Variants in FAM149A observed in about 807,000 individuals in gnomAD.
FAM149A encodes protein FAM149A.
In FAM149A, 71 loss-of-function variants were observed where a neutral mutation model predicts 78.2. The observed-to-expected ratio is 0.91, with a 90% CI of 0.75 to 1.11. FAM149A has a LOEUF of 1.11. Among genes scored for constraint, FAM149A ranks in the 50% least tolerant of loss-of-function variants. The pLI, the probability that FAM149A is intolerant of heterozygous loss-of-function variation, is 0.00. For synonymous variants in FAM149A, 446 were observed against 410.5 expected (o/e 1.09, Z -1.04); for missense variants, 1,036 against 971.0 (o/e 1.07, Z -0.89).
At position 186,157,636 on chromosome 4, in the gene FAM149A, C is replaced by G; in HGVS notation, c.1492C>G (p.His498Asp). The G allele has an allele frequency of 6.2e-7, 1 of 1,614,106 alleles. No homozygotes were observed. Among genetic ancestry groups the G allele is most frequent in the Non-Finnish European group, 8.5e-7 (1 of 1,179,950 alleles). Residue 498 changes from histidine (H) to aspartate (D), a missense_variant, in exon 8 of 14, where the codon CAC becomes GAC. Physicochemically the swap from His to Asp is moderately conservative, Grantham distance 81 (BLOSUM62 -1). Transcript: ENST00000389354. ...TCCGCACGTCCTCGTTCCACACGCT[C>G]ACGCCGATGGAGCCAGTGGCCCCCC...
chr4:186,116,637 A>G (rs938042536), intron 1 of FAM149A: 1 of 973,680 alleles, frequency 1.0e-6, no homozygotes, highest in Admixed American at 6.2e-5. Flanking sequence ...CTCTGTCACC[A>G]GGCTGGCTGG....
At chr4:186,124,420 C>T (rs532687361) in intron 1 of FAM149A, among the ~76,000 whole-genome samples, 23 of 151,660 alleles carry the variant, frequency 1.5e-4, no homozygotes, top group East Asian at 2.0e-4. Context: ...CGCTCCCCCC[C>T]ACCCCACAAC....
chr4:186,130,314 TA>T (rs1554068090), intron 1 of FAM149A, among the ~76,000 whole-genome samples: 5 of 116,444 alleles, frequency 4.3e-5, no homozygotes, highest in South Asian at 3.0e-4. Context: ...TATATATATA[TA>T]ATCTATATCG....
chr4:186,148,316 A>T (rs769548260), intron 1 of FAM149A, among the ~76,000 whole-genome samples: 6 of 152,188 alleles, frequency 3.9e-5, no homozygotes, highest in Non-Finnish European at 8.8e-5. Flanking sequence ...GCAAAAGCAA[A>T]CTTTTTAAAA....
intron 7 of FAM149A, among the ~76,000 whole-genome samples, chr4:186,156,957 T>C (rs1350326177): frequency 6.7e-6 from 1 of 148,652 alleles, no homozygotes; most frequent in Non-Finnish European, 1.5e-5. Flanking sequence ...AGACCATCTC[T>C]CCCCCAAAAA....
intron 13 of FAM149A, chr4:186,170,843 TCATC>T (rs1005422029): frequency 1.3e-5 from 2 of 152,284 alleles, no homozygotes; most frequent in Non-Finnish European, 2.9e-5. Context: ...TCATCTTTGT[TCATC>T]CATCGGTCGT....
At chr4:186,170,641 C>A (rs1735446957) in intron 13 of FAM149A, among the ~76,000 whole-genome samples, 1 of 152,170 alleles carries the variant, frequency 6.6e-6, no homozygotes, top group Admixed American at 6.5e-5. Context: ...GCAGGCAGGG[C>A]CCCCGACAGG....
At chr4:186,110,558 C>T (rs1176031049) in intron 1 of FAM149A, among the ~76,000 whole-genome samples, 1 of 132,070 alleles carries the variant, frequency 7.6e-6, no homozygotes, top group African/African-American at 2.9e-5. Flanking sequence ...CCCAACCCCA[C>T]CACAGTCCCC....
Position 186,154,174 on chromosome 4 carries a change from A to G in FAM149A, c.1059-294A>G, listed in dbSNP as rs372009362. Among the ~76,000 whole-genome samples the G allele has an allele frequency of 5.1e-4, 77 of 152,318 alleles. No individual in the cohort carries two copies. In the East Asian group the frequency reaches 0.013, roughly 26 times the overall value. On this transcript the variant is annotated intron_variant, in intron 5 of 13. Coordinates refer to ENST00000389354, the MANE Select transcript of FAM149A (RefSeq NM_001367768.3). ...TTCACTAGCAGATTTTGATGACTCT[A>G]TGCCATTCACACATATTTGGTGTGC...
intron 2 of FAM149A, 135 bp from the exon 3 acceptor site, chr4:186,149,431 C>A: frequency 9.0e-7 from 1 of 1,110,632 alleles, no homozygotes; most frequent in Non-Finnish European, 1.2e-6. Context: ...AAAAATATTT[C>A]AAAATTAGTA....
At chr4:186,158,145 G>A (rs1210986772) in intron 8 of FAM149A, 52 of 1,285,588 alleles carry the variant, frequency 4.0e-5, no homozygotes, top group Non-Finnish European at 4.8e-5. Context: ...AACACTGGCC[G>A]GCAGGCTGTG....
chr4:186,163,134 G>C lies in FAM149A; in HGVS notation c.1679+186G>C, dbSNP rs757448727. 3.9e-5 allele frequency among the ~76,000 whole-genome samples: 6 copies of C among 152,144 alleles called. No homozygotes were observed. The East Asian group carries it at 9.6e-4, about 24-fold the overall frequency. The stretch of plus-strand genomic sequence containing the variant: ...TACCAACCACAAAACAGTTACTATC[G>C]TGTATTTGGTAGGGAGAGATGGGGA... On this transcript the variant is annotated intron_variant, in intron 9 of 13. Coordinates refer to ENST00000389354, the MANE Select transcript of FAM149A (RefSeq NM_001367768.3).
chr4:186,156,233 C>G (rs773881614), intron 7 of FAM149A, 43 bp downstream of exon 7: 125 of 1,559,810 alleles, frequency 8.0e-5, no homozygotes, highest in Non-Finnish European at 1.0e-4. Context: ...GAAAAAGTCC[C>G]TGTTCTTCGG....
At chr4:186,136,996 C>CTT (rs1561396535) in intron 1 of FAM149A, among the ~76,000 whole-genome samples, 4 of 139,066 alleles carry the variant, frequency 2.9e-5, no homozygotes, top group African/African-American at 1.1e-4. Flanking sequence ...CTCTCTCTCT[C>CTT]TCTCTCTCTC....
Position 186,105,531 on chromosome 4 carries a change from G to A in FAM149A, c.455G>A (p.Arg152Gln), listed in dbSNP as rs1357254381. 1.7e-6 allele frequency: 2 copies of A among 1,147,074 alleles called. No individual in the cohort carries two copies. Among genetic ancestry groups the A allele is most frequent in the Non-Finnish European group, 2.2e-6 (2 of 927,004 alleles). The allele number at this position is 1,147,074 out of a possible 1,614,324, so 71.1% of individuals were successfully genotyped here. The change falls in exon 1 of 14, where the codon CGA becomes CAA. Residue 152 changes from arginine to glutamine, a missense_variant. Physicochemically the swap from Arg to Gln is conservative, Grantham distance 43 (BLOSUM62 1). Coordinates refer to ENST00000389354, the MANE Select transcript of FAM149A (RefSeq NM_001367768.3). ...CCGCTCCAGCCTGGCCCCGGAGAGC[G>A]AGAGCTCGGCGCCTGCGTGGCCCCC...
At position 186,105,494 on chromosome 4, in the gene FAM149A, C is replaced by T. The variant is rs1337828455; in HGVS notation, c.418C>T (p.Leu140Phe). The T allele has an allele frequency of 4.0e-5, 48 of 1,197,912 alleles. No individual in the cohort carries two copies. Among genetic ancestry groups the T allele is most frequent in the Non-Finnish European group, 5.0e-5 (48 of 951,552 alleles). The allele number at this position is 1,197,912 out of a possible 1,614,324, so 74.2% of individuals were successfully genotyped here. Reference sequence around the variant, plus strand: ...GGGCCCCGGCGGGGTCTGGGCCGCGCTCCCCAGGAACCCGCTCCAGCCTGG... The same window carrying T: ...GGGCCCCGGCGGGGTCTGGGCCGCGTTCCCCAGGAACCCGCTCCAGCCTGG... Residue 140 changes from leucine (L) to phenylalanine (F), a missense_variant, in exon 1 of 14, where the codon CTC (leucine) becomes TTC (phenylalanine). By Grantham distance (22) the Leu-to-Phe change is conservative. Coordinates refer to ENST00000389354, the MANE Select transcript of FAM149A (RefSeq NM_001367768.3).
Position 186,156,256 on chromosome 4 carries a change from G to A in FAM149A, c.1420+66G>A. The A allele has an allele frequency of 3.6e-6, 5 of 1,395,114 alleles. No individual in the cohort carries two copies. The South Asian group carries it at 6.6e-5, about 18-fold the overall frequency. 86.4% of individuals were successfully genotyped at this position (1,395,114 alleles called of 1,614,324 possible). A position where few individuals can be genotyped will look rare whatever the true frequency, so the allele number is the denominator to read the frequency against. ...CCCTGTTCTTCGGCCCTGGGCTCCT[G>A]CTCCCCAGCTTGGCCAGACCTAGAA... On this transcript the variant is annotated intron_variant, in intron 7 of 13. Transcript: ENST00000389354.
intron 1 of FAM149A, among the ~76,000 whole-genome samples, chr4:186,136,563 C>G (rs185180088): frequency 1.3e-5 from 2 of 152,220 alleles, no homozygotes; most frequent in Admixed American, 1.3e-4. Context: ...CTATATTTTT[C>G]TATAATTTTC....
intron 13 of FAM149A, 94 bp downstream of exon 13, chr4:186,167,356 T>C: frequency 8.3e-7 from 1 of 1,206,374 alleles, no homozygotes. Context: ...TTGATAAGCC[T>C]ATTTTGCTGT....
Sources: gnomAD v4.1 joint callset for allele counts (sites outside exome capture counted in the v4.1 genomes callset) on GRCh38, gnomAD v4.1.1 for gene constraint, MANE v1.5 for transcripts, NCBI Gene and HGNC (gene_info 2026-07-23, HGNC 2026-07-21) for gene names.